ROBO1: variants seen among roughly 807,000 people sequenced by gnomAD.
ROBO1 encodes roundabout guidance receptor 1.
Under a neutral mutation model 195.9 loss-of-function variants are expected in ROBO1, and 149 were observed. That is an observed-to-expected ratio of 0.76 (90% CI 0.67 to 0.87). The LOEUF (loss-of-function observed/expected upper bound fraction) is 0.87. Ranked by LOEUF, ROBO1 falls within the 40% of genes least tolerant of loss-of-function variation. The pLI, the probability that ROBO1 is intolerant of heterozygous loss-of-function variation, is 0.00. For synonymous variants in ROBO1, 816 were observed against 733.2 expected (o/e 1.11, Z -1.82); for missense variants, 1,933 against 2,068.3 (o/e 0.93, Z 1.27).
chr3:78,727,987 A>C (rs1473963151), intron 5 of ROBO1, among the ~76,000 whole-genome samples: 3 of 152,162 alleles, frequency 2.0e-5, no homozygotes, highest in African/African-American at 7.2e-5. Flanking sequence ...TTTTATATTT[A>C]AATATCAAAG....
At chr3:78,974,132 A>T (rs2076834896) in intron 3 of ROBO1, among the ~76,000 whole-genome samples, 1 of 152,188 alleles carries the variant, frequency 6.6e-6, no homozygotes, top group South Asian at 2.1e-4. Context: ...TAAATTACTT[A>T]TCTTCAAATA....
intron 2 of ROBO1, among the ~76,000 whole-genome samples, chr3:79,211,243 AG>A (rs2081961620): frequency 6.6e-6 from 1 of 152,100 alleles, no homozygotes; most frequent in African/African-American, 2.4e-5. Flanking sequence ...CCATATCATT[AG>A]GCTGTCTGGT....
rs72893927 is a variant in ROBO1 at position 79,655,868 on chromosome 3, T to C, written c.-50-65907A>G. 7.5e-3 allele frequency among the ~76,000 whole-genome samples: 1,134 copies of C among 152,212 alleles called. 13 individuals are homozygous for C. Among genetic ancestry groups the C allele is most frequent in the African/African-American group, 0.026 (1,072 of 41,550 alleles). ...GTCCTTTCAGCTGTTAAGGTTCTTATTTGATGTACTAATAAAATGATAATA... is the reference window on the plus strand; with the variant it reads ...GTCCTTTCAGCTGTTAAGGTTCTTACTTGATGTACTAATAAAATGATAATA... On this transcript the variant is annotated intron_variant, in intron 1 of 30. Coordinates refer to ENST00000464233, the MANE Select transcript of ROBO1 (RefSeq NM_002941.4).
intron 2 of ROBO1, among the ~76,000 whole-genome samples, chr3:79,486,208 ATTTTATT>A (rs988568696): frequency 3.3e-5 from 5 of 152,052 alleles, no homozygotes; most frequent in African/African-American, 1.2e-4. Flanking sequence ...TTATAATTAC[ATTTTATT>A]TTTTATTTTA....
intron 2 of ROBO1, among the ~76,000 whole-genome samples, chr3:79,513,584 T>C (rs1940814388): frequency 6.6e-6 from 1 of 152,172 alleles, no homozygotes; most frequent in Non-Finnish European, 1.5e-5. Flanking sequence ...ATTCAATTTA[T>C]AATGACATCT....
intron 2 of ROBO1, among the ~76,000 whole-genome samples, chr3:79,125,970 T>C (rs1408168746): frequency 6.6e-6 from 1 of 152,008 alleles, no homozygotes; most frequent in African/African-American, 2.4e-5. Context: ...CTTCATCTCC[T>C]GGCAATTACA....
At chr3:79,151,603 G>C (rs1162606724) in intron 2 of ROBO1, among the ~76,000 whole-genome samples, 1 of 151,630 alleles carries the variant, frequency 6.6e-6, no homozygotes, top group African/African-American at 2.4e-5. Flanking sequence ...ATCGGACTTA[G>C]TTTTCTGCTT....
chr3:79,216,917 G>A lies in ROBO1; in HGVS notation c.89-91378C>T, dbSNP rs368113357. ...AGATAATTTCAAAGGGAATTGTGTC[G>A]AATGGTTCTGCCCTGTATTTTTTAA... On this transcript the variant is annotated intron_variant, in intron 2 of 30. Transcript: ENST00000464233. Among the ~76,000 whole-genome samples the A allele has an allele frequency of 3.0e-4, 45 of 152,066 alleles. No individual in the cohort carries two copies. The East Asian group carries it at 7.0e-3, about 23-fold the overall frequency.
chr3:79,146,718 T>C (rs2080660867), intron 2 of ROBO1, among the ~76,000 whole-genome samples: 1 of 151,938 alleles, frequency 6.6e-6, no homozygotes, highest in African/African-American at 2.4e-5. Context: ...AAAATCAAAA[T>C]TAAAGACAGT....
intron 3 of ROBO1, among the ~76,000 whole-genome samples, chr3:79,046,979 A>G (rs546716288): frequency 6.6e-6 from 1 of 152,244 alleles, no homozygotes; most frequent in East Asian, 1.9e-4. Flanking sequence ...TTCGGCATCT[A>G]GAAGGAGAGG....
intron 2 of ROBO1, among the ~76,000 whole-genome samples, chr3:79,396,135 T>C (rs1417574973): frequency 6.6e-6 from 1 of 152,140 alleles, no homozygotes; most frequent in African/African-American, 2.4e-5. Context: ...AAACAATATT[T>C]CTATCTGAAT....
At chr3:78,673,743 A>T (rs915706855) in intron 10 of ROBO1, among the ~76,000 whole-genome samples, 1 of 150,734 alleles carries the variant, frequency 6.6e-6, no homozygotes, top group East Asian at 1.9e-4. Flanking sequence ...AGCGATCATG[A>T]AGTCTATGTT....
intron 2 of ROBO1, among the ~76,000 whole-genome samples, chr3:79,231,372 A>G (rs2082318808): frequency 6.6e-6 from 1 of 152,162 alleles, no homozygotes; most frequent in Non-Finnish European, 1.5e-5. Context: ...ATTTATAAGA[A>G]AAAACCAACT....
In ROBO1 at chr3:78,853,704, G is replaced by A. The variant is rs532450948; in HGVS notation, c.499+84897C>T. Reference sequence around the variant, plus strand: ...GAACGCTGTATTAGTCCATTTTCACGCTGCTGATAAAGACATACCTGAGAC... The same window carrying A: ...GAACGCTGTATTAGTCCATTTTCACACTGCTGATAAAGACATACCTGAGAC... On this transcript the variant is annotated intron_variant, in intron 4 of 30. Transcript: ENST00000464233. 3.6e-4 allele frequency among the ~76,000 whole-genome samples: 55 copies of A among 152,006 alleles called. 1 individual carries two copies. The highest frequency in any genetic ancestry group is 1.9e-4 in the East Asian group (1 of 5,162).
intron 2 of ROBO1, among the ~76,000 whole-genome samples, chr3:79,500,340 G>C (rs544272960): frequency 6.4e-4 from 97 of 152,152 alleles, no homozygotes; most frequent in African/African-American, 2.2e-3. Flanking sequence ...ATGTTGGCCA[G>C]GCTGGTCTCG....
intron 2 of ROBO1, among the ~76,000 whole-genome samples, chr3:79,203,461 T>C (rs921697561): frequency 3.9e-5 from 6 of 152,168 alleles, no homozygotes; most frequent in Non-Finnish European, 7.3e-5. Flanking sequence ...AAATTATAAA[T>C]AGCCAGCTTC....
chr3:79,588,299 C>T (rs559694400), intron 2 of ROBO1, among the ~76,000 whole-genome samples: 1 of 151,746 alleles, frequency 6.6e-6, no homozygotes, highest in South Asian at 2.1e-4. Flanking sequence ...TTTTTATTCC[C>T]TAGATAAACC....
intron 2 of ROBO1, among the ~76,000 whole-genome samples, chr3:79,449,831 G>A (rs2039384620): frequency 6.6e-6 from 1 of 152,120 alleles, no homozygotes; most frequent in Non-Finnish European, 1.5e-5. Context: ...ACACACATAT[G>A]TGATGGCCAT....
In ROBO1 at chr3:79,764,262, A is replaced by G. The variant is rs75188683; in HGVS notation, c.-51+3490T>C. 2.3e-3 allele frequency among the ~76,000 whole-genome samples: 344 copies of G among 152,328 alleles called. 3 individuals are homozygous for G. The highest frequency in any genetic ancestry group is 7.1e-3 in the African/African-American group (294 of 41,578). On this transcript the variant is annotated intron_variant, in intron 1 of 30. Transcript: ENST00000464233. ...CCTCAATTTCCTATAGAATTAGGAGAATTGGCACTAATATATTTTAGGTAC... is the reference window on the plus strand; with the variant it reads ...CCTCAATTTCCTATAGAATTAGGAGGATTGGCACTAATATATTTTAGGTAC...
Sources: allele counts gnomAD v4.1 joint callset (sites outside exome capture counted in the v4.1 genomes callset), GRCh38; gene constraint gnomAD v4.1.1; transcripts MANE v1.5; gene names NCBI Gene and HGNC (gene_info 2026-07-23, HGNC 2026-07-21).